The following NKAIN3 variants were observed in gnomAD, a reference collection of about 807,000 sequenced individuals.
NKAIN3 encodes the protein sodium/potassium transporting ATPase interacting 3.
A neutral mutation model predicts 30.2 loss-of-function variants in NKAIN3; 25 were observed. The observed-to-expected ratio is 0.83, with a 90% confidence interval of 0.60 to 1.16. The LOEUF (loss-of-function observed/expected upper bound fraction) is 1.16. Among genes scored for constraint, NKAIN3 ranks in the 50% most tolerant of loss-of-function variants. The probability of loss-of-function intolerance (pLI) is 0.00; values close to 1 mark genes in which losing one functional copy is unlikely to be tolerated. For synonymous variants in NKAIN3, 91 were observed against 89.6 expected (o/e 1.02, Z -0.09); for missense variants, 225 against 254.1 (o/e 0.89, Z 0.78).
chr8:62,367,595 T>A (rs1448498171), intron 1 of NKAIN3, among the ~76,000 whole-genome samples: 1 of 152,176 alleles, frequency 6.6e-6, no homozygotes, highest in Non-Finnish European at 1.5e-5. Context: ...ACAATAAAGG[T>A]GCAATTTTAT....
chr8:62,570,954 T>C (rs1194923106), intron 1 of NKAIN3, among the ~76,000 whole-genome samples: 2 of 152,194 alleles, frequency 1.3e-5, no homozygotes, highest in East Asian at 3.9e-4. Context: ...TAAAGTGTAT[T>C]GTATGACTGC....
At chr8:62,821,107 G>A (rs1191773366) in intron 4 of NKAIN3, among the ~76,000 whole-genome samples, 1 of 152,018 alleles carries the variant, frequency 6.6e-6, no homozygotes, top group East Asian at 1.9e-4. Flanking sequence ...TGACAGTTGA[G>A]GTAAGAATGA....
chr8:62,844,516 A>G (rs531523696), intron 4 of NKAIN3, among the ~76,000 whole-genome samples: 3 of 152,300 alleles, frequency 2.0e-5, no homozygotes, highest in Admixed American at 6.5e-5. Context: ...AGAGTAAATG[A>G]AAAATGTTAC....
intron 4 of NKAIN3, among the ~76,000 whole-genome samples, chr8:62,828,572 A>C (rs1819097193): frequency 6.6e-6 from 1 of 152,212 alleles, no homozygotes; most frequent in East Asian, 1.9e-4. Context: ...TTAATATAAT[A>C]AACTAGCTAA....
intron 1 of NKAIN3, among the ~76,000 whole-genome samples, chr8:62,439,803 T>G (rs538293275): frequency 6.6e-6 from 1 of 152,314 alleles, no homozygotes; most frequent in East Asian, 1.9e-4. Context: ...AAGCAATTTT[T>G]TTGTTGTTGT....
At chr8:62,284,456 A>G (rs147164651) in intron 1 of NKAIN3, among the ~76,000 whole-genome samples, 1,658 of 152,102 alleles carry the variant, frequency 0.011, 39 homozygotes, top group African/African-American at 0.038. Flanking sequence ...GAGAAACCCC[A>G]TCTCTACGAA....
intron 1 of NKAIN3, among the ~76,000 whole-genome samples, chr8:62,543,031 A>G (rs16929130): frequency 0.55 from 83,424 of 151,906 alleles, 23,061 homozygotes; most frequent in Non-Finnish European, 0.59. Context: ...CCATGTAAGT[A>G]TCTATACTCA....
intron 3 of NKAIN3, among the ~76,000 whole-genome samples, chr8:62,746,324 GTCCA>G: frequency 6.6e-6 from 1 of 152,254 alleles, no homozygotes; most frequent in African/African-American, 2.4e-5. Flanking sequence ...CACTCAGATA[GTCCA>G]TGATCATCTC....
At chr8:62,652,356 G>T (rs954589653) in intron 3 of NKAIN3, among the ~76,000 whole-genome samples, 3 of 152,146 alleles carry the variant, frequency 2.0e-5, no homozygotes, top group African/African-American at 7.2e-5. Context: ...AAGAGAATTT[G>T]GCATTTAGAC....
chr8:62,629,585 C>T (rs1024899516), intron 3 of NKAIN3, among the ~76,000 whole-genome samples: 2 of 152,060 alleles, frequency 1.3e-5, no homozygotes, highest in Non-Finnish European at 2.9e-5. Flanking sequence ...GTAGGCACTC[C>T]ATAAATGCTA....
intron 4 of NKAIN3, among the ~76,000 whole-genome samples, chr8:62,779,973 T>C (rs1432294638): frequency 6.6e-6 from 1 of 151,914 alleles, no homozygotes; most frequent in Non-Finnish European, 1.5e-5. Flanking sequence ...CTAAATGCAA[T>C]GGAGACTACA....
At position 62,972,184 on chromosome 8, in the gene NKAIN3, G is replaced by C. The variant is rs1823849727; in HGVS notation, c.*6777G>C. The stretch of plus-strand genomic sequence containing the variant: ...AGTGCTTGGGAAGTCAGGAGTACGA[G>C]AGATAAATAAGAAGTATATGATCTT... On this transcript the variant is annotated 3_prime_UTR_variant, in exon 7 of 7. Coordinates refer to ENST00000623646, the MANE Select transcript of NKAIN3 (RefSeq NM_001304533.3). Among the ~76,000 whole-genome samples the C allele has an allele frequency of 6.6e-6, 1 of 152,140 alleles. No individual in the cohort carries two copies. Among genetic ancestry groups the C allele is most frequent in the East Asian group, 1.9e-4 (1 of 5,204 alleles).
At chr8:62,863,575 A>T in intron 4 of NKAIN3, 3 of 1,159,332 alleles carry the variant, frequency 2.6e-6, no homozygotes, top group South Asian at 2.4e-5. Flanking sequence ...CCATGCAGAC[A>T]TGTATCCCAT....
At position 62,709,379 on chromosome 8, in the gene NKAIN3, T is replaced by A. The variant is rs559653904; in HGVS notation, c.274-37553T>A. On this transcript the variant is annotated intron_variant, in intron 3 of 6. Coordinates refer to ENST00000623646, the MANE Select transcript of NKAIN3 (RefSeq NM_001304533.3). ...CTTTCCTTTGCTGGTAATTTTTAAA[T>A]TACCATTTCAATCTCGCTACTTGTT... 5.7e-4 allele frequency among the ~76,000 whole-genome samples: 87 copies of A among 152,290 alleles called. 1 individual carries two copies. In the South Asian group the frequency reaches 0.018, roughly 31 times the overall value.
chr8:62,283,203 C>A (rs866338861), intron 1 of NKAIN3, among the ~76,000 whole-genome samples: 1 of 152,118 alleles, frequency 6.6e-6, no homozygotes, highest in African/African-American at 2.4e-5. Context: ...TATTTGAAAT[C>A]TTGAACTTAA....
chr8:62,733,520 A>G (rs1334114415), intron 3 of NKAIN3, among the ~76,000 whole-genome samples: 1 of 152,086 alleles, frequency 6.6e-6, no homozygotes, highest in Non-Finnish European at 1.5e-5. Flanking sequence ...ACTTAATCAA[A>G]CATTCTTTTG....
intron 3 of NKAIN3, among the ~76,000 whole-genome samples, chr8:62,717,084 T>C (rs1814930088): frequency 6.6e-6 from 1 of 152,204 alleles, no homozygotes; most frequent in African/African-American, 2.4e-5. Flanking sequence ...GAAAGGGCTT[T>C]CGATCAAGAA....
chr8:62,687,558 T>G (rs188256924), intron 3 of NKAIN3, among the ~76,000 whole-genome samples: 1 of 152,188 alleles, frequency 6.6e-6, no homozygotes, highest in Non-Finnish European at 1.5e-5. Flanking sequence ...ACAGATGTGT[T>G]CTCTTGTATT....
intron 1 of NKAIN3, among the ~76,000 whole-genome samples, chr8:62,481,641 A>G (rs2129600840): frequency 6.6e-6 from 1 of 152,332 alleles, no homozygotes; most frequent in East Asian, 1.9e-4. Flanking sequence ...TGAAATTGAT[A>G]GGAAACCTTT....
Sources: gnomAD v4.1 joint callset for allele counts (sites outside exome capture counted in the v4.1 genomes callset) on GRCh38, gnomAD v4.1.1 for gene constraint, MANE v1.5 for transcripts, NCBI Gene and HGNC (gene_info 2026-07-23, HGNC 2026-07-21) for gene names.